Variants in RHOT1 observed in about 807,000 individuals in gnomAD.
RHOT1 encodes the protein mitochondrial Rho GTPase 1.
RHOT1 carries 27 observed loss-of-function variants against 95.3 expected under a neutral mutation model. That is an observed-to-expected ratio of 0.28 (90% CI 0.21 to 0.39). The LOEUF is 0.39. Ranked by LOEUF, RHOT1 falls within the 10% of genes least tolerant of loss-of-function variation. The probability of loss-of-function intolerance (pLI) is 1.00; values close to 1 mark genes in which losing one functional copy is unlikely to be tolerated. For synonymous variants in RHOT1, 227 were observed against 263.5 expected (o/e 0.86, Z 1.34); for missense variants, 578 against 786.7 (o/e 0.73, Z 3.17).
At chr17:32,193,492 T>C (rs7207199) in intron 10 of RHOT1, among the ~76,000 whole-genome samples, 6,910 of 152,200 alleles carry the variant, frequency 0.045, 533 homozygotes, top group African/African-American at 0.16. Context: ...GTCCACCTGA[T>C]GGAAGGAGAT....
intron 13 of RHOT1, among the ~76,000 whole-genome samples, 169 bp downstream of exon 13, chr17:32,199,719 A>G (rs2037171298): frequency 6.6e-6 from 1 of 152,240 alleles, no homozygotes; most frequent in Admixed American, 6.5e-5. Context: ...TAAATGTTCT[A>G]TAAATTTATC....
At chr17:32,150,785 T>A (rs2032181056) in intron 1 of RHOT1, 1 of 1,573,368 alleles carries the variant, frequency 6.4e-7, no homozygotes, top group Non-Finnish European at 8.7e-7. Context: ...CTTGTGGGAC[T>A]CTCAGTGAAG....
intron 1 of RHOT1, among the ~76,000 whole-genome samples, chr17:32,164,902 TA>T (rs1208707847): frequency 1.3e-5 from 2 of 151,834 alleles, no homozygotes; most frequent in African/African-American, 4.8e-5. Flanking sequence ...CTCACACCTA[TA>T]ATCCCAGCAC....
At chr17:32,175,667 G>T (rs1159156807) in intron 4 of RHOT1, among the ~76,000 whole-genome samples, 9 of 152,124 alleles carry the variant, frequency 5.9e-5, no homozygotes, top group Admixed American at 2.6e-4. Flanking sequence ...TGTTAACCAG[G>T]CTAGTCTCAA....
chr17:32,186,940 G>A (rs141021568), intron 8 of RHOT1, among the ~76,000 whole-genome samples: 51 of 152,074 alleles, frequency 3.4e-4, no homozygotes, highest in African/African-American at 1.1e-3. Context: ...GCCTTTGCCC[G>A]CTTTTTAGTT....
At chr17:32,223,417 C>CT (rs35956904) in intron 19 of RHOT1, among the ~76,000 whole-genome samples, 1,548 of 139,308 alleles carry the variant, frequency 0.011, 33 homozygotes, top group African/African-American at 0.034. Context: ...TCTTTTCTTT[C>CT]TTTTTTTTTT....
intron 6 of RHOT1, among the ~76,000 whole-genome samples, chr17:32,176,546 A>T (rs114529364): frequency 0.013 from 1,183 of 92,984 alleles, 22 homozygotes; most frequent in African/African-American, 0.075. Context: ...TCTCAGTTTT[A>T]TTTATTTATT....
chr17:32,213,929 G>A (rs1405647870), intron 19 of RHOT1, among the ~76,000 whole-genome samples: 2 of 152,084 alleles, frequency 1.3e-5, no homozygotes, highest in East Asian at 1.9e-4. Context: ...AGTACGTTTC[G>A]GTCATATCTA....
chr17:32,198,798 A>C, intron 11 of RHOT1, 149 bp from the exon 12 acceptor site: 1 of 594,922 alleles, frequency 1.7e-6, no homozygotes, highest in Non-Finnish European at 3.0e-6. Flanking sequence ...CACTCCAGAG[A>C]GTTTCCTTGG....
At chr17:32,200,921 G>T in intron 13 of RHOT1, 35 bp from the exon 14 acceptor site, 1 of 1,475,024 alleles carries the variant, frequency 6.8e-7, no homozygotes, top group South Asian at 1.2e-5. Context: ...ATTCGTTTAG[G>T]AACTTTTCAC....
intron 6 of RHOT1, among the ~76,000 whole-genome samples, chr17:32,182,312 A>G (rs866487875): frequency 4.6e-5 from 7 of 151,204 alleles, no homozygotes; most frequent in Middle Eastern, 6.8e-3. Context: ...ACCCTTCTCT[A>G]CAAAAAAAAA....
At chr17:32,165,354 A>C (rs2033974975) in intron 1 of RHOT1, among the ~76,000 whole-genome samples, 2 of 150,182 alleles carry the variant, frequency 1.3e-5, no homozygotes, top group Non-Finnish European at 3.0e-5. Flanking sequence ...AAAAAAAAAA[A>C]AAAAAAAACA....
At position 32,200,942 on chromosome 17, in the gene RHOT1, CTT is replaced by C; in HGVS notation, c.1101-11_1101-10del. ...TTAGGAACTTTTCACATTTTAAACTCTTTTCTTTCATAGGCTCACGACTTATT... is the reference window on the plus strand; with the variant it reads ...TTAGGAACTTTTCACATTTTAAACTCTTCTTTCATAGGCTCACGACTTATT... On this transcript the variant is annotated splice_polypyrimidine_tract_variant and intron_variant, in intron 13 of 19. Transcript: ENST00000545287. 2 of 1,588,146 alleles carry C rather than the reference CTT, an allele frequency of 1.3e-6. No homozygotes were observed. The highest frequency in any genetic ancestry group is 1.7e-6 in the Non-Finnish European group (2 of 1,159,056).
rs1354354532 is a variant in RHOT1 at position 32,176,230 on chromosome 17, C to T, written c.329+17C>T. 1 of 1,591,340 alleles carries T rather than the reference C, an allele frequency of 6.3e-7. No homozygotes were observed. Among genetic ancestry groups the T allele is most frequent in the East Asian group, 2.2e-5 (1 of 44,724 alleles). On this transcript the variant is annotated intron_variant, in intron 6 of 19. Transcript: ENST00000545287. ...AGACAGCAGGTATTTTTTCCTCTCT[C>T]AAACTTTTTATAATTAAAAAGTTTA...
At chr17:32,218,933 C>G (rs1357538256) in intron 19 of RHOT1, among the ~76,000 whole-genome samples, 1 of 152,056 alleles carries the variant, frequency 6.6e-6, no homozygotes, top group African/African-American at 2.4e-5. Flanking sequence ...TCTCTGTGCC[C>G]TGGTAACTTT....
chr17:32,205,659 G>A (rs564777062), intron 16 of RHOT1, among the ~76,000 whole-genome samples: 2 of 152,234 alleles, frequency 1.3e-5, no homozygotes, highest in Non-Finnish European at 2.9e-5. Flanking sequence ...GGTTATATGG[G>A]CCAGGTGTGG....
intron 16 of RHOT1, among the ~76,000 whole-genome samples, chr17:32,204,209 A>G (rs768946410): frequency 6.6e-6 from 1 of 152,114 alleles, no homozygotes; most frequent in African/African-American, 2.4e-5. Flanking sequence ...ATGTGCCACC[A>G]TGCCAAGCTT....
intron 1 of RHOT1, among the ~76,000 whole-genome samples, chr17:32,170,232 T>A (rs1003476385): frequency 6.6e-6 from 1 of 152,052 alleles, no homozygotes; most frequent in African/African-American, 2.4e-5. Context: ...CTGGCCAACA[T>A]GGGGAAACCC....
chr17:32,170,353 T>A (rs961565473), intron 1 of RHOT1, among the ~76,000 whole-genome samples: 1 of 151,992 alleles, frequency 6.6e-6, no homozygotes, highest in Non-Finnish European at 1.5e-5. Flanking sequence ...TGGTGGGGAT[T>A]GCAGTGAGCC....
Sources: allele counts gnomAD v4.1 joint callset (sites outside exome capture counted in the v4.1 genomes callset), GRCh38; gene constraint gnomAD v4.1.1; transcripts MANE v1.5; gene names NCBI Gene and HGNC (gene_info 2026-07-23, HGNC 2026-07-21).